The following WFDC9 variants were observed in gnomAD, a reference collection of about 807,000 sequenced individuals.
The protein encoded by WFDC9 is protein WFDC9.
In WFDC9, 9 loss-of-function variants were observed where a neutral mutation model predicts 9.5. That is an observed-to-expected ratio of 0.95 (90% CI 0.57 to 1.65). The LOEUF is 1.65. WFDC9 is among the 40% of genes most tolerant of loss of function. WFDC9 has a pLI of 0.00. For missense variants in WFDC9, 87 were observed against 106.7 expected (o/e 0.82, Z 0.81); for synonymous variants, 33 against 32.3 (o/e 1.02, Z -0.07).
Position 45,624,686 on chromosome 20 carries a change from AG to A in WFDC9, c.-153+6516del, listed in dbSNP as rs1440844856. On this transcript the variant is annotated intron_variant, in intron 1 of 4. Transcript: ENST00000326000. The stretch of plus-strand genomic sequence containing the variant: ...TGTACTAATTTATATTCCCACCAAC[AG>A]TGTATAACAGTTCCCCTTCCTCCAC... Among the ~76,000 whole-genome samples the A allele has an allele frequency of 2.0e-5, 3 of 152,330 alleles. No individual in the cohort carries two copies. The East Asian group carries it at 5.8e-4, about 29-fold the overall frequency.
chr20:45,620,484 CG>C, intron 1 of WFDC9, among the ~76,000 whole-genome samples: 1 of 152,116 alleles, frequency 6.6e-6, no homozygotes, highest in South Asian at 2.1e-4. Flanking sequence ...CCCAGCTATT[CG>C]GGAGGCTGAG....
At position 45,630,839 on chromosome 20, in the gene WFDC9, C is replaced by T. The variant is rs201463170; in HGVS notation, c.-153+364G>A. 441 of 1,551,792 alleles carry T rather than the reference C, an allele frequency of 2.8e-4. 2 individuals carry two copies. In the African/African-American group the frequency reaches 3.3e-3, roughly 12 times the overall value. On this transcript the variant is annotated intron_variant, in intron 1 of 4. Transcript: ENST00000326000. The stretch of plus-strand genomic sequence containing the variant: ...GAGAAAAATGTTCTCTAGGAAACTG[C>T]GTTTATTTACCGTTCTATTCTCCTT...
At chr20:45,621,331 T>C (rs77098668) in intron 1 of WFDC9, among the ~76,000 whole-genome samples, 3,566 of 152,356 alleles carry the variant, frequency 0.023, 57 homozygotes, top group Non-Finnish European at 0.033. Flanking sequence ...TGTTCTCTTA[T>C]TCTATCTCTT....
rs138192877 is a variant in WFDC9 at position 45,624,932 on chromosome 20, ATTGT to A, written c.-153+6267_-153+6270del. On this transcript the variant is annotated intron_variant, in intron 1 of 4. Transcript: ENST00000326000. ...ATCATTTGCCCATTTTTTAAATTGGATTGTTTGTGTTTTTGCTGTTGAGATGTTT... is the reference window on the plus strand; with the variant it reads ...ATCATTTGCCCATTTTTTAAATTGGATTGTGTTTTTGCTGTTGAGATGTTT... Among the ~76,000 whole-genome samples, 310 of 151,926 alleles carry A rather than the reference ATTGT, an allele frequency of 2.0e-3. 6 individuals carry two copies. The East Asian group carries it at 0.047, about 23-fold the overall frequency.
intron 2 of WFDC9, among the ~76,000 whole-genome samples, chr20:45,614,157 G>C (rs556913533): frequency 4.6e-5 from 7 of 152,072 alleles, no homozygotes; most frequent in African/African-American, 1.7e-4. Flanking sequence ...CCCTTTAAAG[G>C]TGTTCAGGAA....
chr20:45,630,371 G>T (rs1982331560), intron 1 of WFDC9, among the ~76,000 whole-genome samples: 1 of 152,112 alleles, frequency 6.6e-6, no homozygotes, highest in Admixed American at 6.5e-5. Context: ...CATCAAAGGG[G>T]CAAGGAGAGT....
chr20:45,612,330 T>G (rs1981879960), intron 2 of WFDC9, among the ~76,000 whole-genome samples: 1 of 152,096 alleles, frequency 6.6e-6, no homozygotes, highest in South Asian at 2.1e-4. Flanking sequence ...ACTTATTAAG[T>G]GCCTAACTAT....
chr20:45,624,380 C>T (rs1369525386), intron 1 of WFDC9, among the ~76,000 whole-genome samples: 1 of 152,162 alleles, frequency 6.6e-6, no homozygotes, highest in Non-Finnish European at 1.5e-5. Context: ...AGCCATGGTG[C>T]CATGAACCAC....
intron 1 of WFDC9, among the ~76,000 whole-genome samples, chr20:45,620,428 C>T (rs1982071198): frequency 6.6e-6 from 1 of 152,064 alleles, no homozygotes; most frequent in Non-Finnish European, 1.5e-5. Context: ...CCCGTCTCCA[C>T]TAAAATTACA....
intron 1 of WFDC9, chr20:45,629,934 G>C: frequency 6.2e-7 from 1 of 1,610,402 alleles, no homozygotes; most frequent in Non-Finnish European, 8.5e-7. Context: ...ATGGGTGAGG[G>C]GGAATTGGGT....
At chr20:45,625,962 C>T (rs1365298979) in intron 1 of WFDC9, among the ~76,000 whole-genome samples, 1 of 151,742 alleles carries the variant, frequency 6.6e-6, no homozygotes, top group Non-Finnish European at 1.5e-5. Flanking sequence ...GCTGGGACTA[C>T]AGGTATGCAC....
intron 1 of WFDC9, among the ~76,000 whole-genome samples, chr20:45,627,498 T>C (rs1019583868): frequency 6.6e-6 from 1 of 151,938 alleles, no homozygotes; most frequent in African/African-American, 2.4e-5. Flanking sequence ...ATCTCCTTAC[T>C]TGTTATTCGT....
At chr20:45,618,188 C>A (rs891628239) in intron 1 of WFDC9, among the ~76,000 whole-genome samples, 1 of 152,224 alleles carries the variant, frequency 6.6e-6, no homozygotes, top group Non-Finnish European at 1.5e-5. Flanking sequence ...TTTTCTGCTG[C>A]AGCTTCCTCA....
intron 2 of WFDC9, among the ~76,000 whole-genome samples, chr20:45,611,642 G>T (rs575299762): frequency 6.6e-6 from 1 of 151,928 alleles, no homozygotes; most frequent in Non-Finnish European, 1.5e-5. Flanking sequence ...ATTTCTTCTC[G>T]TTATAAAAAT....
chr20:45,626,073 C>T (rs1982212971), intron 1 of WFDC9, among the ~76,000 whole-genome samples: 1 of 151,988 alleles, frequency 6.6e-6, no homozygotes, highest in African/African-American at 2.4e-5. Context: ...CCACCTGCCT[C>T]GGTCTCCCAA....
At position 45,612,584 on chromosome 20, in the gene WFDC9, C is replaced by G. The variant is rs75248357; in HGVS notation, c.-59+2044G>C. 5.2e-3 allele frequency among the ~76,000 whole-genome samples: 791 copies of G among 152,132 alleles called. 6 individuals are homozygous for G. Among genetic ancestry groups the G allele is most frequent in the Non-Finnish European group, 7.2e-3 (488 of 67,986 alleles). ...TAGAGTATGGGAACAGCAGAAAAATCTTAATAAAAAGGAATAGATAGACAT... is the reference window on the plus strand; with the variant it reads ...TAGAGTATGGGAACAGCAGAAAAATGTTAATAAAAAGGAATAGATAGACAT... On this transcript the variant is annotated intron_variant, in intron 2 of 4. Transcript: ENST00000326000.
Position 45,629,971 on chromosome 20 carries a change from T to G in WFDC9, c.-153+1232A>C, listed in dbSNP as rs1600926143. The stretch of plus-strand genomic sequence containing the variant: ...GGGGGAATGGAGGGCCTGTGTCCAG[T>G]CTGAGTAGGACCTAGGAGTTGGAAA... On this transcript the variant is annotated intron_variant, in intron 1 of 4. Transcript: ENST00000326000. 12 of 1,581,888 alleles carry G rather than the reference T, an allele frequency of 7.6e-6. No individual in the cohort carries two copies. The East Asian group carries it at 2.7e-4, about 36-fold the overall frequency.
At chr20:45,624,451 T>C (rs980199428) in intron 1 of WFDC9, among the ~76,000 whole-genome samples, 1 of 151,706 alleles carries the variant, frequency 6.6e-6, no homozygotes, top group Non-Finnish European at 1.5e-5. Context: ...TCATAGTTTC[T>C]TTCTCCATTC....
At chr20:45,613,107 T>C (rs1222561552) in intron 2 of WFDC9, among the ~76,000 whole-genome samples, 2 of 152,242 alleles carry the variant, frequency 1.3e-5, no homozygotes, top group East Asian at 1.9e-4. Flanking sequence ...TAAATCAAAA[T>C]TCAGTTTCCA....
Sources: gnomAD v4.1 joint callset for allele counts (sites outside exome capture counted in the v4.1 genomes callset) on GRCh38, gnomAD v4.1.1 for gene constraint, MANE v1.5 for transcripts, NCBI Gene and HGNC (gene_info 2026-07-23, HGNC 2026-07-21) for gene names.